The following KCNJ3 variants were observed in gnomAD, a reference collection of about 807,000 sequenced individuals.
KCNJ3 encodes G protein-activated inward rectifier potassium channel 1.
A neutral mutation model predicts 39.2 loss-of-function variants in KCNJ3; 4 were observed. The ratio of observed to expected loss-of-function variants is 0.10; its 90% CI spans 0.05 to 0.23. The LOEUF is 0.23. KCNJ3 is among the 10% of genes least tolerant of loss of function. The probability of loss-of-function intolerance (pLI) is 1.00; values close to 1 mark genes in which losing one functional copy is unlikely to be tolerated. For synonymous variants in KCNJ3, 230 were observed against 237.4 expected, an observed-to-expected ratio of 0.97 and a Z score of 0.29; for missense variants, 276 against 634.9, an observed-to-expected ratio of 0.43 and a Z score of 6.08.
chr2:154,846,686 A>ATGTT (rs1417605976), intron 2 of KCNJ3, among the ~76,000 whole-genome samples: 1 of 152,140 alleles, frequency 6.6e-6, no homozygotes, highest in East Asian at 1.9e-4. Context: ...ATTTCCTGTC[A>ATGTT]TGTTTTCTAC....
chr2:154,711,770 C>T (rs1175641861), intron 2 of KCNJ3, among the ~76,000 whole-genome samples: 1 of 152,034 alleles, frequency 6.6e-6, no homozygotes, highest in Non-Finnish European at 1.5e-5. Context: ...TAAATTTTAC[C>T]TATTTTTCAG....
At chr2:154,773,575 G>A in intron 2 of KCNJ3, among the ~76,000 whole-genome samples, 1 of 152,094 alleles carries the variant, frequency 6.6e-6, no homozygotes. Context: ...ACATGCCAAG[G>A]ACGATTAAGC....
At chr2:154,820,004 A>G (rs531951282) in intron 2 of KCNJ3, among the ~76,000 whole-genome samples, 1 of 152,168 alleles carries the variant, frequency 6.6e-6, no homozygotes, top group Non-Finnish European at 1.5e-5. Context: ...AATTATGGAA[A>G]CATTGCAAAA....
At chr2:154,724,442 G>C (rs1390821761) in intron 2 of KCNJ3, among the ~76,000 whole-genome samples, 1 of 152,004 alleles carries the variant, frequency 6.6e-6, no homozygotes, top group Non-Finnish European at 1.5e-5. Context: ...ACTGATTCAG[G>C]TAAAGAAAGG....
Position 154,802,814 on chromosome 2 carries a change from C to T in KCNJ3, c.920-51913C>T, listed in dbSNP as rs536104626. On this transcript the variant is annotated intron_variant, in intron 2 of 2. Transcript: ENST00000295101. ...ATAAGGTAACTAACTGAAGGTGATA[C>T]GGATAATTTATTGACTTTTAGTTGG... is the stretch of plus-strand genomic sequence containing the variant. Among the ~76,000 whole-genome samples, 16 of 152,032 alleles carry T rather than the reference C, an allele frequency of 1.1e-4. No individual in the cohort carries two copies. The East Asian group carries it at 1.4e-3, about 13-fold the overall frequency.
chr2:154,827,946 A>T (rs1553461349), intron 2 of KCNJ3, among the ~76,000 whole-genome samples: 2 of 152,166 alleles, frequency 1.3e-5, no homozygotes, highest in Non-Finnish European at 2.9e-5. Flanking sequence ...AATAACTTAG[A>T]TTTTAGAAAA....
intron 2 of KCNJ3, among the ~76,000 whole-genome samples, chr2:154,850,892 C>G (rs1687746973): frequency 1.3e-5 from 2 of 152,082 alleles, no homozygotes; most frequent in Admixed American, 1.3e-4. Flanking sequence ...TTGGAAATAT[C>G]AGTAATGTAA....
intron 2 of KCNJ3, among the ~76,000 whole-genome samples, chr2:154,831,796 T>C (rs1286620469): frequency 1.3e-5 from 2 of 152,150 alleles, no homozygotes; most frequent in Non-Finnish European, 2.9e-5. Context: ...GGAGCACATC[T>C]AGGTGGGGAT....
rs541761791 is a variant in KCNJ3, at chr2:154,771,446, T to C, written c.919+61627T>C. ...AGATGAAAATACTGGAGAATTGCTTTATAATCATGGAGTGATCCTGTGAAA... is the reference window on the plus strand; with the variant it reads ...AGATGAAAATACTGGAGAATTGCTTCATAATCATGGAGTGATCCTGTGAAA... On this transcript the variant is annotated intron_variant, in intron 2 of 2. Coordinates refer to ENST00000295101, the MANE Select transcript of KCNJ3 (RefSeq NM_002239.4). Among the ~76,000 whole-genome samples the C allele has an allele frequency of 6.5e-4, 99 of 152,344 alleles. 2 individuals carry two copies. The highest frequency in any genetic ancestry group is 5.6e-4 in the Non-Finnish European group (38 of 68,028).
intron 2 of KCNJ3, among the ~76,000 whole-genome samples, chr2:154,749,349 A>G (rs1212663770): frequency 6.6e-6 from 1 of 152,086 alleles, no homozygotes; most frequent in Non-Finnish European, 1.5e-5. Context: ...TATGCTCAAA[A>G]GTTTTAGCAG....
intron 2 of KCNJ3, among the ~76,000 whole-genome samples, chr2:154,767,648 C>G (rs1404890757): frequency 6.6e-6 from 1 of 152,130 alleles, no homozygotes; most frequent in African/African-American, 2.4e-5. Context: ...AATAAACATA[C>G]GTGTGCATGT....
intron 2 of KCNJ3, among the ~76,000 whole-genome samples, chr2:154,776,238 G>T (rs1428519099): frequency 6.6e-6 from 1 of 152,068 alleles, no homozygotes; most frequent in African/African-American, 2.4e-5. Context: ...CTGCCCTCAG[G>T]TGATCTGCCT....
chr2:154,785,399 T>C (rs902309235), intron 2 of KCNJ3, among the ~76,000 whole-genome samples: 2 of 152,180 alleles, frequency 1.3e-5, no homozygotes, highest in African/African-American at 4.8e-5. Flanking sequence ...ACATGTGCTA[T>C]GGTTTGCGTG....
At chr2:154,800,347 C>T (rs533926255) in intron 2 of KCNJ3, among the ~76,000 whole-genome samples, 12 of 152,162 alleles carry the variant, frequency 7.9e-5, no homozygotes, top group African/African-American at 2.4e-4. Flanking sequence ...AAAATATGGA[C>T]GTGATTTTAA....
chr2:154,745,642 T>G (rs1685727677), intron 2 of KCNJ3, among the ~76,000 whole-genome samples: 1 of 152,160 alleles, frequency 6.6e-6, no homozygotes, highest in East Asian at 1.9e-4. Flanking sequence ...TGCTTTAAAA[T>G]TTTTTTCCAG....
rs531432634 is a variant in KCNJ3 at position 154,719,952 on chromosome 2, G to T, written c.919+10133G>T. ...TAACTTTGTTATTTCTATGCCCCAGGCTCTGTCTGAAAAAGAACTAAGATT... is the reference window on the plus strand; with the variant it reads ...TAACTTTGTTATTTCTATGCCCCAGTCTCTGTCTGAAAAAGAACTAAGATT... On this transcript the variant is annotated intron_variant, in intron 2 of 2. Transcript: ENST00000295101. Among the ~76,000 whole-genome samples, 3 of 152,088 alleles carry T rather than the reference G, an allele frequency of 2.0e-5. No individual in the cohort carries two copies. In the South Asian group the frequency reaches 6.2e-4, roughly 32 times the overall value.
At chr2:154,747,773 G>A (rs1473130152) in intron 2 of KCNJ3, among the ~76,000 whole-genome samples, 1 of 152,068 alleles carries the variant, frequency 6.6e-6, no homozygotes, top group African/African-American at 2.4e-5. Flanking sequence ...AAAACTTATA[G>A]AAACCCAGAT....
chr2:154,760,744 T>C (rs1015548720), intron 2 of KCNJ3, among the ~76,000 whole-genome samples: 1 of 145,608 alleles, frequency 6.9e-6, no homozygotes, highest in Non-Finnish European at 1.5e-5. Context: ...TCTTTTTTTT[T>C]TTTTTTTTTT....
At chr2:154,709,528 T>G in intron 1 of KCNJ3, 75 bp from the exon 2 acceptor site, 1 of 1,430,890 alleles carries the variant, frequency 7.0e-7, no homozygotes, top group Non-Finnish European at 9.6e-7. Flanking sequence ...GGCAATGATG[T>G]AAATTACTGT....
Sources: allele counts gnomAD v4.1 joint callset (sites outside exome capture counted in the v4.1 genomes callset), GRCh38; gene constraint gnomAD v4.1.1; transcripts MANE v1.5; gene names NCBI Gene and HGNC (gene_info 2026-07-23, HGNC 2026-07-21).